Variants in DCAF17 observed in about 807,000 individuals in gnomAD.
DCAF17 encodes DDB1- and CUL4-associated factor 17.
Under a neutral mutation model 66.0 loss-of-function variants are expected in DCAF17, and 48 were observed. The observed-to-expected ratio is 0.73, with a 90% CI of 0.58 to 0.92. The LOEUF (loss-of-function observed/expected upper bound fraction) is 0.92, where lower values mean the gene tolerates loss of function less well. Ranked by LOEUF, DCAF17 falls within the 40% of genes least tolerant of loss-of-function variation. The probability of loss-of-function intolerance (pLI) is 0.00; values close to 1 mark genes in which losing one functional copy is unlikely to be tolerated. For missense variants in DCAF17, 562 were observed against 622.8 expected, an observed-to-expected ratio of 0.90 and a Z score of 1.04; for synonymous variants, 206 against 214.6, an observed-to-expected ratio of 0.96 and a Z score of 0.35.
rs769033929 is a variant in DCAF17, at chr2:171,448,775, A to G, written c.416A>G (p.Lys139Arg). The G allele has an allele frequency of 6.2e-7, 1 of 1,613,450 alleles. No homozygotes were observed. Among genetic ancestry groups the G allele is most frequent in the Non-Finnish European group, 8.5e-7 (1 of 1,179,536 alleles). The change falls in exon 4 of 14, where the codon AAA (lysine) becomes AGA (arginine). Residue 139 changes from lysine (K) to arginine (R), a missense_variant. By Grantham distance (26) the Lys-to-Arg change is conservative. This residue lies in a region of DCAF17 where 348 missense variants were observed against 355.9 expected (regional missense o/e 0.98). Transcript: ENST00000375255. ...WLLRISATTG[K>R]ILEKIYLAPY... is the part of the protein sequence containing the mutation. ...CTTCGTATATCAGCAACTACGGGAA[A>G]AATCCTTGAGAAAATATATCTTGCA...
chr2:171,469,124 T>C (rs1284351660), intron 9 of DCAF17, 94 bp downstream of exon 9: 38 of 1,377,848 alleles, frequency 2.8e-5, no homozygotes, highest in East Asian at 2.3e-4. Context: ...GAATTACTTT[T>C]TTGTGCATTT....
At chr2:171,455,800 CATGT>C (rs763030484) in intron 6 of DCAF17, among the ~76,000 whole-genome samples, 79 of 152,234 alleles carry the variant, frequency 5.2e-4, no homozygotes, top group Non-Finnish European at 9.1e-4. Context: ...TTGTTGGCCA[CATGT>C]ATGCCATCTT....
chr2:171,462,264 C>T (rs1461862392), intron 8 of DCAF17, among the ~76,000 whole-genome samples: 2 of 151,930 alleles, frequency 1.3e-5, no homozygotes, highest in Admixed American at 6.6e-5. Flanking sequence ...CAAAAAATCC[C>T]CAGAAATATA....
chr2:171,451,200 T>C (rs1694932571), intron 5 of DCAF17, among the ~76,000 whole-genome samples: 1 of 152,158 alleles, frequency 6.6e-6, no homozygotes, highest in African/African-American at 2.4e-5. Context: ...ACTTTTTCTG[T>C]ATGCCCCTGA....
In DCAF17 at chr2:171,481,177, T is replaced by C. The variant is rs1045338453; in HGVS notation, c.*63T>C. 6.2e-7 allele frequency: 1 copy of C among 1,600,468 alleles called. No homozygotes were observed. Among genetic ancestry groups the C allele is most frequent in the African/African-American group, 1.3e-5 (1 of 74,696 alleles). On this transcript the variant is annotated 3_prime_UTR_variant, in exon 14 of 14. Transcript: ENST00000375255. Reference sequence around the variant, plus strand: ...CAAACACCCCAGCAGCTGCGTCCAATCCATTTTATTATCTGCATGGCACAT... The same window carrying C: ...CAAACACCCCAGCAGCTGCGTCCAACCCATTTTATTATCTGCATGGCACAT...
chr2:171,472,338 C>T (rs894470376), intron 9 of DCAF17, among the ~76,000 whole-genome samples: 1 of 151,996 alleles, frequency 6.6e-6, no homozygotes, highest in African/African-American at 2.4e-5. Context: ...CACCACCATG[C>T]CCACTAATTT....
At chr2:171,459,244 A>G (rs1383226449) in intron 8 of DCAF17, among the ~76,000 whole-genome samples, 5 of 152,162 alleles carry the variant, frequency 3.3e-5, no homozygotes, top group African/African-American at 1.2e-4. Context: ...CCTAGGAGGC[A>G]GAGGTTGTGG....
At chr2:171,470,264 C>T (rs1414366753) in intron 9 of DCAF17, among the ~76,000 whole-genome samples, 1 of 152,148 alleles carries the variant, frequency 6.6e-6, no homozygotes, top group Non-Finnish European at 1.5e-5. Context: ...CTCAAGTGAT[C>T]CTCCCTCTTG....
intron 8 of DCAF17, among the ~76,000 whole-genome samples, chr2:171,463,949 A>G (rs1308731672): frequency 6.6e-6 from 1 of 152,198 alleles, no homozygotes; most frequent in African/African-American, 2.4e-5. Flanking sequence ...ATGCCAGCAA[A>G]ATGTTTTACA....
chr2:171,434,994 A>G (rs1291412178), intron 1 of DCAF17, 89 bp from the exon 2 acceptor site: 1 of 1,182,456 alleles, frequency 8.5e-7, no homozygotes, highest in South Asian at 1.3e-5. Context: ...TTAAAATAAT[A>G]TAGGTGACAT....
intron 2 of DCAF17, among the ~76,000 whole-genome samples, chr2:171,440,296 C>T (rs769209137): frequency 6.6e-6 from 1 of 152,160 alleles, no homozygotes; most frequent in Admixed American, 6.5e-5. Flanking sequence ...ATTGGATAGG[C>T]CAGGCACAGT....
chr2:171,481,622 T>A lies in DCAF17; in HGVS notation c.*508T>A, dbSNP rs1007415356. ...ATTATTTTGAGCCCAAAATGTGTCA[T>A]CACAGTTTTTAAAAATCTTATATAT... On this transcript the variant is annotated 3_prime_UTR_variant, in exon 14 of 14. Coordinates refer to ENST00000375255, the MANE Select transcript of DCAF17 (RefSeq NM_025000.4). 2 of 453,778 alleles carry A rather than the reference T, an allele frequency of 4.4e-6. No homozygotes were observed. The highest frequency in any genetic ancestry group is 4.0e-5 in the African/African-American group (2 of 49,992). 28.1% of individuals were successfully genotyped at this position (453,778 alleles called of 1,614,324 possible). A position where few individuals can be genotyped will look rare whatever the true frequency, so the allele number is the denominator to read the frequency against.
At chr2:171,453,255 A>C in intron 6 of DCAF17, 42 bp downstream of exon 6, 1 of 1,342,526 alleles carries the variant, frequency 7.4e-7, no homozygotes, top group Non-Finnish European at 1.1e-6. Context: ...TTTTATTGAC[A>C]ATAAGTTGTA....
rs1025911547 is a variant in DCAF17, at chr2:171,481,654, A to G, written c.*540A>G. The G allele has an allele frequency of 2.2e-6, 1 of 453,398 alleles. No homozygotes were observed. Among genetic ancestry groups the G allele is most frequent in the Admixed American group, 2.4e-5 (1 of 42,470 alleles). The allele number at this position is 453,398 out of a possible 1,614,324, so 28.1% of individuals were successfully genotyped here. ...TTTTAAAAATCTTATATATGTATTT[A>G]TATGTGTTTCGTATTTGTATATAGT... On this transcript the variant is annotated 3_prime_UTR_variant, in exon 14 of 14. Coordinates refer to ENST00000375255, the MANE Select transcript of DCAF17 (RefSeq NM_025000.4).
intron 2 of DCAF17, among the ~76,000 whole-genome samples, chr2:171,440,561 G>A (rs556414428): frequency 2.6e-5 from 4 of 152,280 alleles, no homozygotes; most frequent in South Asian, 2.1e-4. Flanking sequence ...GCAACAGAGC[G>A]AGACAGTGTC....
chr2:171,455,567 T>C (rs1695211868), intron 6 of DCAF17, among the ~76,000 whole-genome samples: 1 of 152,242 alleles, frequency 6.6e-6, no homozygotes, highest in East Asian at 1.9e-4. Flanking sequence ...TTTCTGTCTT[T>C]AGGTCTTTGA....
At chr2:171,439,225 T>A (rs1426795525) in intron 2 of DCAF17, among the ~76,000 whole-genome samples, 2 of 152,146 alleles carry the variant, frequency 1.3e-5, no homozygotes, top group African/African-American at 2.4e-5. Flanking sequence ...TTTGGAAAAT[T>A]CTCAGCCATT....
intron 12 of DCAF17, 63 bp from the exon 13 acceptor site, chr2:171,479,975 A>G: frequency 6.4e-7 from 1 of 1,572,446 alleles, no homozygotes; most frequent in South Asian, 1.1e-5. Flanking sequence ...AAATACAGAA[A>G]TAAGCCTACC....
intron 2 of DCAF17, among the ~76,000 whole-genome samples, chr2:171,438,695 A>G (rs771883446): frequency 3.3e-5 from 5 of 152,002 alleles, no homozygotes; most frequent in Non-Finnish European, 5.9e-5. Context: ...GTGTTTACAC[A>G]TTGTATCTTT....
Sources: allele counts gnomAD v4.1 joint callset (sites outside exome capture counted in the v4.1 genomes callset), GRCh38; gene constraint gnomAD v4.1.1; regional missense constraint gnomAD v4.1.1; transcripts MANE v1.5; gene names NCBI Gene and HGNC (gene_info 2026-07-23, HGNC 2026-07-21).